TTC3: variants seen among roughly 807,000 people sequenced by gnomAD.
The protein encoded by TTC3 is tetratricopeptide repeat domain 3.
A neutral mutation model predicts 249.6 loss-of-function variants in TTC3; 180 were observed. The observed-to-expected ratio is 0.72, with a 90% CI of 0.64 to 0.82. The LOEUF (loss-of-function observed/expected upper bound fraction) is 0.82, where lower values mean the gene tolerates loss of function less well. TTC3 is among the 40% of genes least tolerant of loss of function. The probability of loss-of-function intolerance (pLI) is 0.00; values close to 1 mark genes in which losing one functional copy is unlikely to be tolerated. For missense variants in TTC3, 2,061 were observed against 2,398.4 expected (o/e 0.86, Z 2.94); for synonymous variants, 717 against 805.0 (o/e 0.89, Z 1.85).
At chr21:37,109,360 C>T (rs2075386410) in intron 11 of TTC3, among the ~76,000 whole-genome samples, 1 of 152,200 alleles carries the variant, frequency 6.6e-6, no homozygotes. Flanking sequence ...GTCACTTCCA[C>T]CCTAATACTG....
chr21:37,156,931 T>C (rs1291159875), intron 28 of TTC3, 25 bp downstream of exon 28: 4 of 1,601,086 alleles, frequency 2.5e-6, no homozygotes, highest in South Asian at 1.1e-5. Flanking sequence ...TTTAGACTTA[T>C]ATTACATTTA....
chr21:37,165,342 G>T (rs1161466782), intron 32 of TTC3, among the ~76,000 whole-genome samples: 1 of 152,026 alleles, frequency 6.6e-6, no homozygotes, highest in Non-Finnish European at 1.5e-5. Context: ...AGTTTTAAAT[G>T]ATCATTTTCT....
intron 18 of TTC3, among the ~76,000 whole-genome samples, chr21:37,135,888 A>G (rs1330050681): frequency 2.6e-5 from 4 of 152,180 alleles, no homozygotes; most frequent in African/African-American, 4.8e-5. Flanking sequence ...CAAATTGAAG[A>G]TTTGTGGCAA....
At chr21:37,139,272 T>C (rs1419032127) in intron 19 of TTC3, among the ~76,000 whole-genome samples, 2 of 152,096 alleles carry the variant, frequency 1.3e-5, no homozygotes, top group African/African-American at 4.8e-5. Context: ...ACTTGGATAT[T>C]GTATTATTTC....
chr21:37,184,927 A>G (rs2083097371), intron 36 of TTC3, among the ~76,000 whole-genome samples: 1 of 152,336 alleles, frequency 6.6e-6, no homozygotes, highest in East Asian at 1.9e-4. Flanking sequence ...CACACTTAGT[A>G]TTCGTTAAGA....
intron 1 of TTC3, among the ~76,000 whole-genome samples, chr21:37,074,967 ACT>A (rs1278774904): frequency 2.0e-5 from 3 of 151,464 alleles, no homozygotes; most frequent in Admixed American, 2.0e-4. Flanking sequence ...TACTTCAGAT[ACT>A]CTTTTTTTTT....
chr21:37,116,502 T>C (rs535893275), intron 11 of TTC3, among the ~76,000 whole-genome samples: 1 of 147,474 alleles, frequency 6.8e-6, no homozygotes, highest in South Asian at 2.1e-4. Flanking sequence ...TATAAAAATA[T>C]TTTTTTTTTA....
At chr21:37,119,834 G>A (rs2076443612) in intron 11 of TTC3, among the ~76,000 whole-genome samples, 1 of 152,188 alleles carries the variant, frequency 6.6e-6, no homozygotes, top group Non-Finnish European at 1.5e-5. Context: ...AGGTTAGAGT[G>A]TAGGCGCTCT....
intron 19 of TTC3, among the ~76,000 whole-genome samples, chr21:37,139,898 C>T (rs922866266): frequency 1.3e-5 from 2 of 152,166 alleles, no homozygotes; most frequent in Non-Finnish European, 2.9e-5. Flanking sequence ...TAGAATGCCT[C>T]CTTTGGAACT....
At chr21:37,183,937 A>G (rs1433570607) in intron 36 of TTC3, among the ~76,000 whole-genome samples, 3 of 152,174 alleles carry the variant, frequency 2.0e-5, no homozygotes, top group Non-Finnish European at 2.9e-5. Context: ...CTGGGGGGCC[A>G]CGCTACACAC....
At chr21:37,112,000 C>T (rs113352688) in intron 11 of TTC3, among the ~76,000 whole-genome samples, 3,931 of 151,772 alleles carry the variant, frequency 0.026, 89 homozygotes, top group East Asian at 0.11. Flanking sequence ...TTGAAACCAA[C>T]GAGAACAAAG....
intron 43 of TTC3, 59 bp downstream of exon 43, chr21:37,197,755 A>T (rs2085076175): frequency 1.3e-5 from 7 of 552,018 alleles, no homozygotes; most frequent in South Asian, 2.8e-5. Flanking sequence ...GAGAATTGTT[A>T]AAAAAAAAAA....
intron 12 of TTC3, among the ~76,000 whole-genome samples, chr21:37,122,436 ATT>A (rs2076685308): frequency 4.2e-5 from 1 of 23,810 alleles, no homozygotes; most frequent in African/African-American, 1.5e-4. Context: ...ATATATATAT[ATT>A]ATATATATAT....
intron 19 of TTC3, among the ~76,000 whole-genome samples, chr21:37,139,407 T>C (rs1251353728): frequency 1.3e-5 from 2 of 152,160 alleles, no homozygotes; most frequent in Non-Finnish European, 2.9e-5. Context: ...TTTGGCATTA[T>C]AACTTTGCTT....
At chr21:37,182,219 A>G (rs1569161661) in intron 35 of TTC3, among the ~76,000 whole-genome samples, 2 of 151,940 alleles carry the variant, frequency 1.3e-5, no homozygotes, top group Non-Finnish European at 2.9e-5. Context: ...GAAGTTTCAA[A>G]CCAGCAACTA....
At chr21:37,175,799 C>A (rs2082222347) in intron 35 of TTC3, among the ~76,000 whole-genome samples, 1 of 151,004 alleles carries the variant, frequency 6.6e-6, no homozygotes, top group Non-Finnish European at 1.5e-5. Context: ...TAGATGGAGT[C>A]TTGCTCTGTC....
intron 36 of TTC3, among the ~76,000 whole-genome samples, chr21:37,183,579 A>G (rs1014985139): frequency 1.3e-5 from 2 of 152,118 alleles, no homozygotes; most frequent in Non-Finnish European, 2.9e-5. Context: ...CAGCTGGGCC[A>G]TTCTTCTGCT....
intron 26 of TTC3, 68 bp from the exon 27 acceptor site, chr21:37,152,883 T>G: frequency 7.9e-7 from 1 of 1,265,158 alleles, no homozygotes; most frequent in Non-Finnish European, 1.1e-6. Context: ...GTAATTTTGT[T>G]ATTTCTAAGT....
At position 37,108,420 on chromosome 21, in the gene TTC3, A is replaced by G. The variant is rs533291465; in HGVS notation, c.874A>G (p.Thr292Ala). ...TGCACTCGGTGATGGAAAGAGAGCC[A>G]CTATTCTGAAGAACACTTGGCCAAA... The change falls in exon 11 of 46, where the codon ACT (threonine) becomes GCT (alanine). Residue 292 changes from threonine to alanine, a missense_variant. Physicochemically the swap from Thr to Ala is moderately conservative, Grantham distance 58 (BLOSUM62 0). Around this residue, in one of 3 missense-constraint regions of TTC3, gnomAD observed 989 missense variants for 1,145.1 expected, o/e 0.86. Transcript: ENST00000355666. 1.3e-4 allele frequency: 203 copies of G among 1,612,610 alleles called. 1 individual carries two copies. In the South Asian group the frequency reaches 1.9e-3, roughly 15 times the overall value.
Sources: gnomAD v4.1 joint callset for allele counts (sites outside exome capture counted in the v4.1 genomes callset) on GRCh38, gnomAD v4.1.1 for gene constraint, gnomAD v4.1.1 regional missense constraint, MANE v1.5 for transcripts, NCBI Gene and HGNC (gene_info 2026-07-23, HGNC 2026-07-21) for gene names.